Variants in HTT observed in about 807,000 individuals in gnomAD.
The protein encoded by HTT is huntington disease protein.
HTT carries 104 observed loss-of-function variants against 362.3 expected under a neutral mutation model. The observed-to-expected ratio is 0.29, with a 90% CI of 0.24 to 0.34. The LOEUF (loss-of-function observed/expected upper bound fraction) is 0.34. HTT is among the 10% of genes least tolerant of loss of function. The probability of loss-of-function intolerance (pLI) is 1.00; values close to 1 mark genes in which losing one functional copy is unlikely to be tolerated. For synonymous variants in HTT, 1,577 were observed against 1,548.7 expected, an observed-to-expected ratio of 1.02 and a Z score of -0.43; for missense variants, 3,301 against 3,928.6, an observed-to-expected ratio of 0.84 and a Z score of 4.27.
intron 40 of HTT, among the ~76,000 whole-genome samples, chr4:3,191,851 T>C (rs551318567): frequency 1.4e-4 from 21 of 152,220 alleles, no homozygotes; most frequent in Admixed American, 4.6e-4. Context: ...CTATAAATCA[T>C]GACAAATTAT....
At position 3,212,141 on chromosome 4, in the gene HTT, T is replaced by C. The variant is rs777430803; in HGVS notation, c.6627T>C (p.Phe2209=). The C allele has an allele frequency of 4.4e-6, 7 of 1,606,172 alleles. No individual in the cohort carries two copies. In the South Asian group the frequency reaches 7.7e-5, roughly 18 times the overall value. The change falls in exon 48 of 67, where the codon TTT becomes TTC. Residue 2209 remains phenylalanine (F), a splice_region_variant and synonymous_variant. Coordinates refer to ENST00000355072, the MANE Select transcript of HTT (RefSeq NM_001388492.1). The stretch of plus-strand genomic sequence containing the variant: ...ACTGGAGCAAGTTGAATGATCTGTT[T>C]GGTAATTAAAATTAAAATTTATCTT... ...AAYWSKLNDL[F]GDAALYQSLP...
At chr4:3,131,233 C>A in intron 14 of HTT, 53 bp from the exon 15 acceptor site, 1 of 1,263,422 alleles carries the variant, frequency 7.9e-7, no homozygotes, top group Non-Finnish European at 1.2e-6. Context: ...TGAACTAATG[C>A]ATGAATGTAT....
At chr4:3,147,004 G>C (rs1035349881) in intron 25 of HTT, 56 bp downstream of exon 25, 8 of 1,546,770 alleles carry the variant, frequency 5.2e-6, no homozygotes, top group Non-Finnish European at 7.1e-6. Flanking sequence ...ATTTCCTTAG[G>C]GGGAATGGGG....
At chr4:3,125,397 A>G in intron 10 of HTT, 152 bp from the exon 11 acceptor site, 1 of 542,626 alleles carries the variant, frequency 1.8e-6, no homozygotes. Context: ...TGTGTTTAAT[A>G]CTGTGGAGGT....
intron 60 of HTT, 104 bp downstream of exon 60, chr4:3,230,146 C>T (rs937381041): frequency 1.0e-6 from 1 of 960,762 alleles, no homozygotes; most frequent in South Asian, 1.4e-5. Flanking sequence ...TGCCTCCTTC[C>T]AAGAGTTGAC....
At chr4:3,124,436 C>T (rs969601468) in intron 10 of HTT, among the ~76,000 whole-genome samples, 1 of 152,148 alleles carries the variant, frequency 6.6e-6, no homozygotes, top group African/African-American at 2.4e-5. Flanking sequence ...TAAGTGAAAT[C>T]TGCCCAAATT....
chr4:3,111,611 GA>G (rs1714755667), intron 6 of HTT, among the ~76,000 whole-genome samples: 3 of 152,186 alleles, frequency 2.0e-5, no homozygotes, highest in African/African-American at 7.2e-5. Context: ...TGCAACCGGG[GA>G]CTGGAAGGGA....
At chr4:3,195,672 C>T (rs1231102743) in intron 40 of HTT, among the ~76,000 whole-genome samples, 3 of 151,932 alleles carry the variant, frequency 2.0e-5, no homozygotes, top group Non-Finnish European at 4.4e-5. Context: ...ACAAATAAAC[C>T]AACATTTCCA....
At chr4:3,146,978 C>T in intron 25 of HTT, 30 bp downstream of exon 25, 1 of 1,612,210 alleles carries the variant, frequency 6.2e-7, no homozygotes. Context: ...ACAGGGACTC[C>T]AGGACTTGGA....
chr4:3,172,481 G>A, intron 30 of HTT, 84 bp downstream of exon 30: 1 of 911,734 alleles, frequency 1.1e-6, no homozygotes, highest in Non-Finnish European at 1.8e-6. Context: ...GGCAGGCGCT[G>A]TTGGCATAAT....
intron 21 of HTT, among the ~76,000 whole-genome samples, chr4:3,137,127 C>T (rs1413265141): frequency 6.6e-6 from 1 of 151,734 alleles, no homozygotes; most frequent in Non-Finnish European, 1.5e-5. Context: ...AGGCTGGTCT[C>T]GAACTTCTGA....
intron 1 of HTT, among the ~76,000 whole-genome samples, chr4:3,080,133 C>T (rs1356593470): frequency 7.3e-6 from 1 of 137,086 alleles, no homozygotes; most frequent in African/African-American, 2.7e-5. Context: ...TCGCTCTTGT[C>T]ACCCGGGCTG....
intron 3 of HTT, among the ~76,000 whole-genome samples, chr4:3,101,989 A>G (rs1172437916): frequency 6.6e-6 from 1 of 152,166 alleles, no homozygotes; most frequent in African/African-American, 2.4e-5. Flanking sequence ...ATGCTGCCAG[A>G]GAGTGGGACA....
rs1718288014 is a variant in HTT at position 3,177,372 on chromosome 4, A to C, written c.4448A>C (p.Glu1483Ala). 1.3e-6 allele frequency: 2 copies of C among 1,598,680 alleles called. No individual in the cohort carries two copies. Among genetic ancestry groups the C allele is most frequent in the African/African-American group, 2.7e-5 (2 of 74,280 alleles). ...GTATTGAAACAGTTTGAATACATTG[A>C]AGTGGGCCAGTTCAGGTAATAGCAT... ...GFVLKQFEYI[E>A]VGQFRESEAI... is the part of the protein sequence containing the mutation. The change falls in exon 34 of 67, where the codon GAA (glutamate) becomes GCA (alanine). Residue 1483 changes from glutamate (E) to alanine (A), a missense_variant. Transcript: ENST00000355072.
intron 40 of HTT, among the ~76,000 whole-genome samples, chr4:3,191,383 G>A (rs1719007817): frequency 1.3e-5 from 2 of 151,988 alleles, no homozygotes; most frequent in South Asian, 4.2e-4. Flanking sequence ...CCATGTTGAG[G>A]CTGGTCTCGA....
chr4:3,096,913 G>A (rs1560545590), intron 2 of HTT, among the ~76,000 whole-genome samples: 1 of 152,216 alleles, frequency 6.6e-6, no homozygotes, highest in Non-Finnish European at 1.5e-5. Flanking sequence ...GAGACTGGCA[G>A]TTGAAGACCA....
At chr4:3,220,592 A>G (rs1720626506) in intron 53 of HTT, among the ~76,000 whole-genome samples, 1 of 152,124 alleles carries the variant, frequency 6.6e-6, no homozygotes, top group Admixed American at 6.5e-5. Flanking sequence ...GTGAGACCAA[A>G]TTCTGCCTTA....
intron 9 of HTT, 129 bp downstream of exon 9, chr4:3,121,561 A>G (rs982273426): frequency 6.2e-6 from 4 of 641,650 alleles, no homozygotes; most frequent in African/African-American, 5.5e-5. Flanking sequence ...TTATAATACA[A>G]ATTTCATCTT....
rs759714607 is a variant in HTT at position 3,175,058 on chromosome 4, C to T, written c.4358C>T (p.Ala1453Val). 11 of 1,613,966 alleles carry T rather than the reference C, an allele frequency of 6.8e-6. No homozygotes were observed. Among genetic ancestry groups the T allele is most frequent in the East Asian group, 4.5e-5 (2 of 44,906 alleles). Reference sequence around the variant, plus strand: ...CAGAAGCAGGTTTTAGATTTGCTGGCGCAGCTGGTTCAGTTACGGGTTAAT... The same window carrying T: ...CAGAAGCAGGTTTTAGATTTGCTGGTGCAGCTGGTTCAGTTACGGGTTAAT... ...QLQKQVLDLL[A>V]QLVQLRVNYC... The change falls in exon 33 of 67, where the codon GCG (alanine) becomes GTG (valine). Residue 1453 changes from alanine to valine, a missense_variant. This residue lies in a region of HTT where 2,316 missense variants were observed against 2,658.5 expected (regional missense o/e 0.87). Transcript: ENST00000355072.
Sources: gnomAD v4.1 joint callset for allele counts (sites outside exome capture counted in the v4.1 genomes callset) on GRCh38, gnomAD v4.1.1 for gene constraint, gnomAD v4.1.1 regional missense constraint, MANE v1.5 for transcripts, NCBI Gene and HGNC (gene_info 2026-07-23, HGNC 2026-07-21) for gene names.